The following CSMD1 variants were observed in gnomAD, a reference collection of about 807,000 sequenced individuals.
The protein encoded by CSMD1 is CUB and sushi domain-containing protein 1.
A neutral mutation model predicts 417.5 loss-of-function variants in CSMD1; 213 were observed. The ratio of observed to expected loss-of-function variants is 0.51; its 90% CI spans 0.46 to 0.57. CSMD1 has a LOEUF of 0.57. Ranked by LOEUF, CSMD1 falls within the 20% of genes least tolerant of loss-of-function variation. The probability of loss-of-function intolerance (pLI) is 0.00; values close to 1 mark genes in which losing one functional copy is unlikely to be tolerated. For missense variants in CSMD1, 6,923 were observed against 4,529.7 expected, an observed-to-expected ratio of 1.53 and a Z score of -15.17; for synonymous variants, 2,862 against 1,736.8, an observed-to-expected ratio of 1.65 and a Z score of -16.11.
At chr8:3,772,802 G>A (rs1384784999) in intron 5 of CSMD1, among the ~76,000 whole-genome samples, 1 of 151,654 alleles carries the variant, frequency 6.6e-6, no homozygotes, top group Admixed American at 6.6e-5. Context: ...ACAGCCAACT[G>A]GAAGTCTGTG....
chr8:4,923,625 G>T (rs1327598813), intron 1 of CSMD1, among the ~76,000 whole-genome samples: 2 of 151,980 alleles, frequency 1.3e-5, no homozygotes, highest in African/African-American at 4.8e-5. Context: ...CACTACACTT[G>T]TATTCTACAT....
At chr8:3,954,651 C>G (rs927495202) in intron 5 of CSMD1, among the ~76,000 whole-genome samples, 2 of 152,212 alleles carry the variant, frequency 1.3e-5, no homozygotes, top group Non-Finnish European at 2.9e-5. Flanking sequence ...CGTGAGCCAC[C>G]GCACCTGGCC....
At chr8:3,385,612 A>T (rs892050311) in intron 18 of CSMD1, among the ~76,000 whole-genome samples, 10 of 152,148 alleles carry the variant, frequency 6.6e-5, no homozygotes, top group Admixed American at 3.3e-4. Context: ...ATAAGAGTTT[A>T]CTATTAATTA....
chr8:4,303,994 C>A (rs770985704), intron 3 of CSMD1, among the ~76,000 whole-genome samples: 1 of 152,138 alleles, frequency 6.6e-6, no homozygotes, highest in African/African-American at 2.4e-5. Flanking sequence ...AGAACCTGAA[C>A]ATGATGTCTA....
At chr8:3,943,770 A>G (rs1422293857) in intron 5 of CSMD1, among the ~76,000 whole-genome samples, 2 of 152,026 alleles carry the variant, frequency 1.3e-5, no homozygotes, top group Non-Finnish European at 2.9e-5. Context: ...AGTTAAATAA[A>G]CCCAAATTTA....
chr8:3,805,022 G>C (rs1483695232), intron 5 of CSMD1, among the ~76,000 whole-genome samples: 1 of 152,106 alleles, frequency 6.6e-6, no homozygotes, highest in African/African-American at 2.4e-5. Flanking sequence ...AAGAGGCCTG[G>C]TTGGTCATAT....
chr8:4,052,211 C>G (rs936355555), intron 3 of CSMD1, among the ~76,000 whole-genome samples: 2 of 152,104 alleles, frequency 1.3e-5, no homozygotes, highest in African/African-American at 4.8e-5. Context: ...AGGCATGAGC[C>G]ACCGTGCCCA....
At chr8:4,586,578 G>C (rs1309493709) in intron 2 of CSMD1, among the ~76,000 whole-genome samples, 3 of 151,412 alleles carry the variant, frequency 2.0e-5, no homozygotes, top group South Asian at 4.2e-4. Flanking sequence ...CATTTTTTTT[G>C]ATGCTTTATT....
intron 3 of CSMD1, among the ~76,000 whole-genome samples, chr8:4,046,432 TTC>T (rs1180644714): frequency 1.3e-5 from 2 of 152,194 alleles, no homozygotes; most frequent in African/African-American, 2.4e-5. Flanking sequence ...TAAATGTGCT[TTC>T]TGTTACTGAA....
In CSMD1 at chr8:4,523,857, C is replaced by T. The variant is rs188957906; in HGVS notation, c.303-103792G>A. 3.3e-4 allele frequency among the ~76,000 whole-genome samples: 50 copies of T among 152,228 alleles called. 1 individual carries two copies. In the South Asian group the frequency reaches 8.9e-3, roughly 27 times the overall value. On this transcript the variant is annotated intron_variant, in intron 2 of 69. Transcript: ENST00000635120. Reference sequence around the variant, plus strand: ...TGTTTCTTAACTGTGCCATCTTGACCTCCAACTCCTTTCTCCTTCTTTGGT... The same window carrying T: ...TGTTTCTTAACTGTGCCATCTTGACTTCCAACTCCTTTCTCCTTCTTTGGT...
rs557389780 is a variant in CSMD1, at chr8:3,155,767, G to C, written c.5914+2130C>G. On this transcript the variant is annotated intron_variant, in intron 39 of 69. Coordinates refer to ENST00000635120, the MANE Select transcript of CSMD1 (RefSeq NM_033225.6). ...ACCAAGACATAGCTTTTAAAAATAA[G>C]ATACTGTCCTCTAAGGTATATTTTT... 3.9e-5 allele frequency among the ~76,000 whole-genome samples: 6 copies of C among 152,216 alleles called. No individual in the cohort carries two copies. In the South Asian group the frequency reaches 1.0e-3, roughly 26 times the overall value.
chr8:4,734,451 C>T (rs1810096323), intron 1 of CSMD1, among the ~76,000 whole-genome samples: 1 of 151,962 alleles, frequency 6.6e-6, no homozygotes, highest in Admixed American at 6.6e-5. Flanking sequence ...AATAGGAATT[C>T]TGTGACTAAT....
Position 4,388,321 on chromosome 8 carries a change from GACACAC to G in CSMD1, c.415+31626_415+31631del, listed in dbSNP as rs71205453. Among the ~76,000 whole-genome samples the G allele has an allele frequency of 6.3e-5, 6 of 95,596 alleles. No individual in the cohort carries two copies. In the East Asian group the frequency reaches 1.1e-3, roughly 18 times the overall value. The allele number at this position is 95,596 out of a possible 152,430, so 62.7% of individuals were successfully genotyped here. A position where few individuals can be genotyped will look rare whatever the true frequency, so the allele number is the denominator to read the frequency against. On this transcript the variant is annotated intron_variant, in intron 3 of 69. Coordinates refer to ENST00000635120, the MANE Select transcript of CSMD1 (RefSeq NM_033225.6). ...ACTGTGATACACACACACACACACA[GACACAC>G]ACACACACACACACACACGAACACA... is the stretch of plus-strand genomic sequence containing the variant.
At chr8:4,478,929 T>C (rs778463516) in intron 2 of CSMD1, among the ~76,000 whole-genome samples, 1 of 152,200 alleles carries the variant, frequency 6.6e-6, no homozygotes, top group Non-Finnish European at 1.5e-5. Flanking sequence ...TGTACTTGAC[T>C]GACCTTAATT....
At chr8:3,364,047 G>T (rs13253492) in intron 20 of CSMD1, among the ~76,000 whole-genome samples, 1 of 151,962 alleles carries the variant, frequency 6.6e-6, no homozygotes, top group Non-Finnish European at 1.5e-5. Context: ...TCGATTAACA[G>T]GAAAGAAGGC....
chr8:4,630,460 A>G (rs1429766754), intron 2 of CSMD1, among the ~76,000 whole-genome samples: 2 of 151,486 alleles, frequency 1.3e-5, no homozygotes, highest in East Asian at 1.9e-4. Flanking sequence ...CTCAAAAACA[A>G]AACAAAACAA....
chr8:3,720,620 T>TTCTCACACAC (rs72331833), intron 6 of CSMD1, among the ~76,000 whole-genome samples: 13,101 of 143,306 alleles, frequency 0.091, 737 homozygotes, highest in Middle Eastern at 0.12. Flanking sequence ...TCTTTATTCT[T>TTCTCACACAC]ACACACACAC....
chr8:3,562,799 G>C (rs981823875), intron 10 of CSMD1, among the ~76,000 whole-genome samples: 22 of 151,848 alleles, frequency 1.4e-4, no homozygotes, highest in African/African-American at 5.1e-4. Context: ...GAAGAGGATC[G>C]AGAAAAACAA....
At chr8:4,070,338 C>T (rs888066639) in intron 3 of CSMD1, among the ~76,000 whole-genome samples, 2 of 152,012 alleles carry the variant, frequency 1.3e-5, no homozygotes, top group African/African-American at 4.8e-5. Context: ...AAAATGTCTT[C>T]TTATATTAAC....
Sources: gnomAD v4.1 joint callset for allele counts (sites outside exome capture counted in the v4.1 genomes callset) on GRCh38, gnomAD v4.1.1 for gene constraint, MANE v1.5 for transcripts, NCBI Gene and HGNC (gene_info 2026-07-23, HGNC 2026-07-21) for gene names.